HLF: variants seen among roughly 807,000 people sequenced by gnomAD.
HLF encodes HLF transcription factor, PAR bZIP family member.
HLF carries 3 observed loss-of-function variants against 22.6 expected under a neutral mutation model. That is an observed-to-expected ratio of 0.13 (90% confidence interval 0.06 to 0.34). HLF has a LOEUF of 0.34. Among genes scored for constraint, HLF ranks in the 10% least tolerant of loss-of-function variants. The pLI is 1.00. For synonymous variants in HLF, 151 were observed against 151.8 expected, an observed-to-expected ratio of 0.99 and a Z score of 0.04; for missense variants, 299 against 389.2, an observed-to-expected ratio of 0.77 and a Z score of 1.95.
chr17:55,297,738 CTTTTT>C (rs34900287), intron 2 of HLF, among the ~76,000 whole-genome samples: 3 of 62,890 alleles, frequency 4.8e-5, no homozygotes, highest in African/African-American at 6.9e-5. Flanking sequence ...AACAGCATTT[CTTTTT>C]TTTTTTTTTT....
At chr17:55,289,590 G>T (rs1304663635) in intron 2 of HLF, among the ~76,000 whole-genome samples, 1 of 152,074 alleles carries the variant, frequency 6.6e-6, no homozygotes, top group Non-Finnish European at 1.5e-5. Context: ...CTATGACAAG[G>T]CATTTGAAAA....
At chr17:55,300,082 T>G (rs1395828779) in intron 2 of HLF, among the ~76,000 whole-genome samples, 2 of 152,202 alleles carry the variant, frequency 1.3e-5, no homozygotes, top group Non-Finnish European at 2.9e-5. Context: ...CAGGTTATCC[T>G]CCCTCCTCAG....
intron 3 of HLF, among the ~76,000 whole-genome samples, chr17:55,319,707 G>T (rs559799397): frequency 6.6e-5 from 10 of 151,912 alleles, no homozygotes; most frequent in African/African-American, 2.4e-4. Flanking sequence ...ATTGATTAGC[G>T]GCAGGTTGAA....
intron 2 of HLF, among the ~76,000 whole-genome samples, chr17:55,311,361 G>A (rs566067333): frequency 9.2e-5 from 14 of 152,036 alleles, no homozygotes; most frequent in East Asian, 1.9e-4. Flanking sequence ...AAAATTAGCC[G>A]GGCGTGGTGG....
rs1905416929 is a variant in HLF, at chr17:55,325,050, T to C, written c.*4171T>C. The C allele has an allele frequency of 4.6e-6, 1 of 216,942 alleles. No individual in the cohort carries two copies. Among genetic ancestry groups the C allele is most frequent in the Non-Finnish European group, 9.3e-6 (1 of 107,546 alleles). The allele number at this position is 216,942 out of a possible 1,614,324, so 13.4% of individuals were successfully genotyped here. On this transcript the variant is annotated 3_prime_UTR_variant, in exon 4 of 4. Transcript: ENST00000226067. ...GTTATTCTTAATGTTGAATAAACTT[T>C]GAATTTTTTCCTTTCTTTCATGTAT...
chr17:55,312,398 G>A lies in HLF; in HGVS notation c.452-2829G>A, dbSNP rs149243473. ...AATATAAAATGTACATGCCTCTTGCGTGAGCAGTCTCACTTCTAGAAATCA... is the reference window on the plus strand; with the variant it reads ...AATATAAAATGTACATGCCTCTTGCATGAGCAGTCTCACTTCTAGAAATCA... On this transcript the variant is annotated intron_variant, in intron 2 of 3. Coordinates refer to ENST00000226067, the MANE Select transcript of HLF (RefSeq NM_002126.5). Among the ~76,000 whole-genome samples, 860 of 152,264 alleles carry A rather than the reference G, an allele frequency of 5.6e-3. 5 individuals are homozygous for A. The highest frequency in any genetic ancestry group is 0.018 in the African/African-American group (744 of 41,530).
chr17:55,313,957 T>C (rs1370406109), intron 2 of HLF, among the ~76,000 whole-genome samples: 2 of 152,216 alleles, frequency 1.3e-5, no homozygotes, highest in African/African-American at 4.8e-5. Context: ...TCCGAGCCAG[T>C]GGCTTCATGC....
At chr17:55,308,939 G>T (rs1368399279) in intron 2 of HLF, among the ~76,000 whole-genome samples, 1 of 152,322 alleles carries the variant, frequency 6.6e-6, no homozygotes, top group Middle Eastern at 3.4e-3. Context: ...TTTCCAGCAG[G>T]CTAGACTGGG....
chr17:55,307,351 T>G (rs1311473077), intron 2 of HLF, among the ~76,000 whole-genome samples: 10 of 150,872 alleles, frequency 6.6e-5, no homozygotes, highest in South Asian at 4.2e-4. Context: ...TATTTTTTAA[T>G]AGAGACAGGG....
chr17:55,295,745 G>A (rs958450907), intron 2 of HLF, among the ~76,000 whole-genome samples: 1 of 152,156 alleles, frequency 6.6e-6, no homozygotes, highest in African/African-American at 2.4e-5. Context: ...AATTCAAAAG[G>A]ACAAATGCCT....
intron 2 of HLF, chr17:55,283,697 C>T (rs1053281215): frequency 2.6e-5 from 4 of 152,186 alleles, no homozygotes; most frequent in African/African-American, 4.8e-5. Flanking sequence ...AATTCCAACA[C>T]GTAAGTCCAT....
chr17:55,301,695 A>G (rs1567821549), intron 2 of HLF, among the ~76,000 whole-genome samples: 1 of 152,228 alleles, frequency 6.6e-6, no homozygotes, highest in East Asian at 1.9e-4. Flanking sequence ...TCTCCCCAGT[A>G]GACAAAGATT....
intron 2 of HLF, among the ~76,000 whole-genome samples, chr17:55,299,516 G>A (rs994073814): frequency 2.6e-5 from 4 of 152,122 alleles, no homozygotes; most frequent in African/African-American, 9.7e-5. Context: ...ACCTATGTTA[G>A]CCTTGGTTCT....
In HLF at chr17:55,324,808, T is replaced by C. The variant is rs199549847; in HGVS notation, c.*3929T>C. 6.1e-5 allele frequency: 14 copies of C among 231,048 alleles called. No homozygotes were observed. Among genetic ancestry groups the C allele is most frequent in the African/African-American group, 8.9e-5 (4 of 45,048 alleles). 14.3% of individuals were successfully genotyped at this position (231,048 alleles called of 1,614,324 possible). ...GTGTAAGAGTGTGTGTGTGTGTGTGTGCGTGCATGTGTGTGTGTGTGTATG... is the reference window on the plus strand; with the variant it reads ...GTGTAAGAGTGTGTGTGTGTGTGTGCGCGTGCATGTGTGTGTGTGTGTATG... On this transcript the variant is annotated 3_prime_UTR_variant, in exon 4 of 4. Transcript: ENST00000226067.
At chr17:55,316,630 A>G (rs1905074341) in intron 3 of HLF, among the ~76,000 whole-genome samples, 1 of 152,226 alleles carries the variant, frequency 6.6e-6, no homozygotes, top group South Asian at 2.1e-4. Flanking sequence ...GAAAATGGAA[A>G]GCTGAAGTCA....
chr17:55,296,005 T>C (rs1234711109), intron 2 of HLF, among the ~76,000 whole-genome samples: 3 of 152,224 alleles, frequency 2.0e-5, no homozygotes, highest in Admixed American at 6.5e-5. Flanking sequence ...ATAGAAGCAG[T>C]AGTGTAGAAT....
chr17:55,306,408 G>A (rs11656978), intron 2 of HLF, among the ~76,000 whole-genome samples: 22,955 of 152,146 alleles, frequency 0.15, 2,206 homozygotes, highest in Non-Finnish European at 0.21. Flanking sequence ...GTTACTGTGT[G>A]GAGAGAATTG....
intron 2 of HLF, among the ~76,000 whole-genome samples, chr17:55,300,132 C>A (rs1263633144): frequency 6.6e-6 from 1 of 152,184 alleles, no homozygotes; most frequent in East Asian, 1.9e-4. Context: ...AGTGCTTGGC[C>A]TTCCTCATTT....
intron 1 of HLF, chr17:55,266,076 T>A (rs2080784838): frequency 6.5e-6 from 1 of 153,736 alleles, no homozygotes; most frequent in African/African-American, 2.4e-5. Flanking sequence ...ACAGCTTCTG[T>A]TACTGGTTAG....
Sources: gnomAD v4.1 joint callset for allele counts (sites outside exome capture counted in the v4.1 genomes callset) on GRCh38, gnomAD v4.1.1 for gene constraint, MANE v1.5 for transcripts, NCBI Gene and HGNC (gene_info 2026-07-23, HGNC 2026-07-21) for gene names.